Variants in QRSL1 observed in about 807,000 individuals in gnomAD.
QRSL1 encodes glutamyl-tRNA(Gln) amidotransferase subunit A, mitochondrial.
Under a neutral mutation model 61.6 loss-of-function variants are expected in QRSL1, and 54 were observed. The observed-to-expected ratio is 0.88, with a 90% CI of 0.70 to 1.10. QRSL1 has a LOEUF of 1.10. QRSL1 is among the 50% of genes least tolerant of loss of function. The pLI is 0.00. For missense variants in QRSL1, 505 were observed against 622.6 expected, an observed-to-expected ratio of 0.81 and a Z score of 2.01; for synonymous variants, 228 against 225.7, an observed-to-expected ratio of 1.01 and a Z score of -0.09.
chr6:106,663,911 T>A (rs1430834652), intron 10 of QRSL1, among the ~76,000 whole-genome samples: 1 of 152,204 alleles, frequency 6.6e-6, no homozygotes, highest in East Asian at 1.9e-4. Context: ...GTTAACATTA[T>A]ATTTGCTTTG....
At chr6:106,655,788 T>G in intron 9 of QRSL1, 56 bp downstream of exon 9, 1 of 1,011,364 alleles carries the variant, frequency 9.9e-7, no homozygotes, top group East Asian at 2.5e-5. Context: ...GTAACATGTC[T>G]CTTATCAGGT....
chr6:106,646,085 TG>T, intron 4 of QRSL1, among the ~76,000 whole-genome samples: 1 of 152,364 alleles, frequency 6.6e-6, no homozygotes, highest in Non-Finnish European at 1.5e-5. Context: ...TTGTCACATT[TG>T]TAATATTTGC....
intron 3 of QRSL1, chr6:106,642,633 C>T: frequency 1.3e-6 from 1 of 779,300 alleles, no homozygotes; most frequent in Non-Finnish European, 2.3e-6. Context: ...CATGGCAAAA[C>T]TGGAGAGTAC....
intron 9 of QRSL1, among the ~76,000 whole-genome samples, chr6:106,657,067 C>T (rs188358975): frequency 5.9e-5 from 9 of 152,226 alleles, no homozygotes; most frequent in South Asian, 2.1e-4. Flanking sequence ...GTTAGGAGTT[C>T]GAGACCAGCT....
chr6:106,659,315 A>C (rs3101499), intron 9 of QRSL1, among the ~76,000 whole-genome samples: 52,009 of 151,790 alleles, frequency 0.34, 9,465 homozygotes, highest in Non-Finnish European at 0.41. Flanking sequence ...AAATACAAAA[A>C]TTAGCTGGGT....
At chr6:106,651,328 T>C (rs1004763981) in intron 5 of QRSL1, among the ~76,000 whole-genome samples, 1 of 152,068 alleles carries the variant, frequency 6.6e-6, no homozygotes, top group South Asian at 2.1e-4. Context: ...GTGTGCAAAA[T>C]TATTTAAAAT....
chr6:106,651,774 A>G (rs1004480743), intron 5 of QRSL1, among the ~76,000 whole-genome samples: 1 of 152,344 alleles, frequency 6.6e-6, no homozygotes, highest in Admixed American at 6.5e-5. Context: ...TTTCAATATC[A>G]ACATCAGAAG....
At chr6:106,657,982 C>T (rs1028288767) in intron 9 of QRSL1, among the ~76,000 whole-genome samples, 5 of 152,054 alleles carry the variant, frequency 3.3e-5, no homozygotes, top group South Asian at 2.1e-4. Flanking sequence ...GGATTACAGG[C>T]GTGAGCCACC....
chr6:106,668,336 G>A lies in QRSL1; in HGVS notation c.*2334G>A, dbSNP rs1357770072. 1 of 151,632 alleles carries A rather than the reference G, an allele frequency of 6.6e-6. No homozygotes were observed. Among genetic ancestry groups the A allele is most frequent in the East Asian group, 1.9e-4 (1 of 5,182 alleles). The allele number at this position is 151,632 out of a possible 1,614,324, so 9.4% of individuals were successfully genotyped here. The stretch of plus-strand genomic sequence containing the variant: ...CTCTTAATCTAGTAGGTCTCATTTT[G>A]CCAAGTCACTGTCTGGGAATTTAAG... On this transcript the variant is annotated 3_prime_UTR_variant, in exon 11 of 11. Coordinates refer to ENST00000369046, the MANE Select transcript of QRSL1 (RefSeq NM_018292.5).
At chr6:106,640,539 A>G (rs776327214) in intron 2 of QRSL1, 31 bp downstream of exon 2, 46 of 1,487,520 alleles carry the variant, frequency 3.1e-5, no homozygotes, top group African/African-American at 4.3e-5. Flanking sequence ...CTTAATTGTT[A>G]TATCTCCAGA....
At chr6:106,661,810 C>A (rs1304947048) in intron 9 of QRSL1, among the ~76,000 whole-genome samples, 3 of 136,716 alleles carry the variant, frequency 2.2e-5, no homozygotes, top group Non-Finnish European at 4.6e-5. Context: ...CTCCCAGGTT[C>A]AAGCAATGCT....
At chr6:106,643,883 T>G (rs1008983895) in intron 4 of QRSL1, among the ~76,000 whole-genome samples, 3 of 151,872 alleles carry the variant, frequency 2.0e-5, no homozygotes, top group Non-Finnish European at 4.4e-5. Flanking sequence ...ATTCTTTTTT[T>G]TTTTTGAGAC....
At chr6:106,640,765 C>T in intron 2 of QRSL1, 58 bp from the exon 3 acceptor site, 1 of 1,405,702 alleles carries the variant, frequency 7.1e-7, no homozygotes. Context: ...AACATGTATT[C>T]ATGTATCTTT....
At position 106,648,300 on chromosome 6, in the gene QRSL1, G is replaced by GA. The variant is rs773668246; in HGVS notation, c.381-715dup. ...GTAGAGCGAGACTCGTCTCAAAAAA[G>GA]AAAAAAAAAATTATTGTATTGATAT... On this transcript the variant is annotated intron_variant, in intron 4 of 10. Coordinates refer to ENST00000369046, the MANE Select transcript of QRSL1 (RefSeq NM_018292.5). Among the ~76,000 whole-genome samples, 35 of 148,170 alleles carry GA rather than the reference G, an allele frequency of 2.4e-4. No individual in the cohort carries two copies. The South Asian group carries it at 4.7e-3, about 20-fold the overall frequency.
chr6:106,662,804 C>T (rs922416410), intron 9 of QRSL1, among the ~76,000 whole-genome samples, 176 bp from the exon 10 acceptor site: 2 of 152,192 alleles, frequency 1.3e-5, no homozygotes, highest in Non-Finnish European at 2.9e-5. Flanking sequence ...CTCTCATATA[C>T]GCCCCACCAC....
chr6:106,636,344 C>T (rs1262567805), intron 1 of QRSL1, among the ~76,000 whole-genome samples: 12 of 139,590 alleles, frequency 8.6e-5, no homozygotes, highest in African/African-American at 2.7e-4. Flanking sequence ...TTTTTTAAGA[C>T]GGAGTCTCGC....
intron 9 of QRSL1, among the ~76,000 whole-genome samples, chr6:106,657,223 C>T (rs983443858): frequency 2.0e-5 from 3 of 151,594 alleles, no homozygotes; most frequent in Admixed American, 6.6e-5. Flanking sequence ...GAGCCAAGAT[C>T]GTGCCACTGC....
rs75196972 is a variant in QRSL1, at chr6:106,651,403, C to T, written c.558-806C>T. On this transcript the variant is annotated intron_variant, in intron 5 of 10. Transcript: ENST00000369046. ...TTTAAAAATTACTAGTACTCAGTGA[C>T]GGTACTGAAACTTTAAAACACAATC... 8.0e-3 allele frequency among the ~76,000 whole-genome samples: 1,225 copies of T among 152,176 alleles called. 13 individuals carry two copies. The highest frequency in any genetic ancestry group is 0.028 in the African/African-American group (1,155 of 41,524).
chr6:106,637,320 A>G (rs1369356039), intron 1 of QRSL1, among the ~76,000 whole-genome samples: 2 of 152,214 alleles, frequency 1.3e-5, no homozygotes, highest in Non-Finnish European at 2.9e-5. Flanking sequence ...GAGGTGAAGG[A>G]AAAGCTTGTG....
Sources: allele counts gnomAD v4.1 joint callset (sites outside exome capture counted in the v4.1 genomes callset), GRCh38; gene constraint gnomAD v4.1.1; transcripts MANE v1.5; gene names NCBI Gene and HGNC (gene_info 2026-07-23, HGNC 2026-07-21).